CNTN4: variants seen among roughly 807,000 people sequenced by gnomAD.
CNTN4 encodes the protein contactin 4, also known as contactin-4.
Under a neutral mutation model 122.5 loss-of-function variants are expected in CNTN4, and 77 were observed. That is an observed-to-expected ratio of 0.63 (90% CI 0.52 to 0.76). CNTN4 has a LOEUF of 0.76. CNTN4 is among the 30% of genes least tolerant of loss of function. CNTN4 has a pLI of 0.00. For missense variants in CNTN4, 1,256 were observed against 1,259.1 expected, an observed-to-expected ratio of 1.00 and a Z score of 0.04; for synonymous variants, 512 against 447.0, an observed-to-expected ratio of 1.15 and a Z score of -1.83.
At chr3:2,378,160 C>T (rs1396492539) in intron 3 of CNTN4, among the ~76,000 whole-genome samples, 4 of 152,182 alleles carry the variant, frequency 2.6e-5, no homozygotes, top group Admixed American at 6.5e-5. Flanking sequence ...GCCCAACATA[C>T]ATTGGCTCAA....
intron 4 of CNTN4, among the ~76,000 whole-genome samples, chr3:2,596,549 C>T (rs931414969): frequency 1.4e-4 from 21 of 152,028 alleles, no homozygotes; most frequent in Admixed American, 4.6e-4. Flanking sequence ...CATATGCATA[C>T]ATATATAATA....
chr3:2,424,303 A>G (rs1351124743), intron 3 of CNTN4, among the ~76,000 whole-genome samples: 1 of 143,386 alleles, frequency 7.0e-6, no homozygotes, highest in African/African-American at 2.6e-5. Flanking sequence ...CCTATGAGTG[A>G]GAACATGTGA....
intron 4 of CNTN4, among the ~76,000 whole-genome samples, chr3:2,579,278 A>G (rs1271053114): frequency 6.6e-6 from 1 of 152,226 alleles, no homozygotes; most frequent in African/African-American, 2.4e-5. Flanking sequence ...AAACCAGACA[A>G]GTGAAAATCC....
chr3:2,666,694 T>A (rs2084185972), intron 4 of CNTN4, among the ~76,000 whole-genome samples: 1 of 151,762 alleles, frequency 6.6e-6, no homozygotes, highest in Non-Finnish European at 1.5e-5. Flanking sequence ...GCTGCACCCA[T>A]TAATTCCTCC....
intron 7 of CNTN4, among the ~76,000 whole-genome samples, chr3:2,844,278 A>G (rs949266883): frequency 2.6e-5 from 4 of 152,210 alleles, no homozygotes; most frequent in Admixed American, 2.0e-4. Flanking sequence ...TGTGTGACAT[A>G]ATACTCCTTT....
At chr3:2,800,308 T>C (rs1464230076) in intron 6 of CNTN4, among the ~76,000 whole-genome samples, 1 of 152,202 alleles carries the variant, frequency 6.6e-6, no homozygotes, top group East Asian at 1.9e-4. Context: ...TTATTTCTTC[T>C]TTCTTCTCTC....
At position 3,056,109 on chromosome 3, in the gene CNTN4, T is replaced by C. The variant is rs1020716480; in HGVS notation, c.2981-11T>C. 4.3e-6 allele frequency: 7 copies of C among 1,611,474 alleles called. No homozygotes were observed. The highest frequency in any genetic ancestry group is 5.9e-6 in the Non-Finnish European group (7 of 1,177,612). On this transcript the variant is annotated splice_polypyrimidine_tract_variant and intron_variant, in intron 24 of 24. Coordinates refer to ENST00000418658, the MANE Select transcript of CNTN4 (RefSeq NM_175607.3). ...GGGGCTGTTTTGAGTGAATTTGTTC[T>C]CTCTTTTCAGATGCCTACGCGAGAG...
rs554883451 is a variant in CNTN4 at position 2,821,995 on chromosome 3, A to C, written c.454+2414A>C. Among the ~76,000 whole-genome samples, 6 of 152,364 alleles carry C rather than the reference A, an allele frequency of 3.9e-5. No individual in the cohort carries two copies. The South Asian group carries it at 1.0e-3, about 26-fold the overall frequency. ...ACATTTCCAGCAGAAAATAACAATTAGTAAAGGTGCTAAAAGGCATGTACT... is the reference window on the plus strand; with the variant it reads ...ACATTTCCAGCAGAAAATAACAATTCGTAAAGGTGCTAAAAGGCATGTACT... On this transcript the variant is annotated intron_variant, in intron 7 of 24. Coordinates refer to ENST00000418658, the MANE Select transcript of CNTN4 (RefSeq NM_175607.3).
intron 4 of CNTN4, among the ~76,000 whole-genome samples, chr3:2,692,229 G>A (rs2085778696): frequency 6.6e-6 from 1 of 152,156 alleles, no homozygotes; most frequent in Non-Finnish European, 1.5e-5. Context: ...CAAATAGCAG[G>A]AGGAAAAGTT....
At chr3:2,409,405 G>A (rs903667829) in intron 3 of CNTN4, among the ~76,000 whole-genome samples, 4 of 151,796 alleles carry the variant, frequency 2.6e-5, no homozygotes, top group African/African-American at 9.7e-5. Flanking sequence ...CCGCCACCAC[G>A]GCTGGCTAGT....
intron 4 of CNTN4, 195 bp from the exon 5 acceptor site, chr3:2,736,020 A>C (rs761303699): frequency 1.4e-6 from 1 of 718,766 alleles, no homozygotes; most frequent in African/African-American, 1.7e-5. Context: ...GAGGGCTTAT[A>C]TTTTCACTTC....
chr3:3,007,293 A>G (rs746106865), intron 14 of CNTN4, among the ~76,000 whole-genome samples: 1 of 152,212 alleles, frequency 6.6e-6, no homozygotes, highest in Non-Finnish European at 1.5e-5. Context: ...TGGTGGTGTG[A>G]GCACTGGAGT....
chr3:2,703,679 A>T (rs114931060), intron 4 of CNTN4, among the ~76,000 whole-genome samples: 2,450 of 152,286 alleles, frequency 0.016, 79 homozygotes, highest in African/African-American at 0.054. Context: ...ATTAACTTAA[A>T]TAAACATTAA....
chr3:2,840,613 G>T lies in CNTN4; in HGVS notation c.454+21032G>T, dbSNP rs1421749953. On this transcript the variant is annotated intron_variant, in intron 7 of 24. Coordinates refer to ENST00000418658, the MANE Select transcript of CNTN4 (RefSeq NM_175607.3). ...ACTCGGGAGGCTGAGGCGGGAGAAT[G>T]GCGGGAACCCGGGAGGCGGAGCTTG... Among the ~76,000 whole-genome samples the T allele has an allele frequency of 4.3e-4, 52 of 121,878 alleles. No individual in the cohort carries two copies. In the South Asian group the frequency reaches 0.017, roughly 39 times the overall value. The allele number at this position is 121,878 out of a possible 152,430, so 80.0% of individuals were successfully genotyped here.
chr3:2,680,491 T>C (rs193132027), intron 4 of CNTN4, among the ~76,000 whole-genome samples: 1 of 152,326 alleles, frequency 6.6e-6, no homozygotes, highest in East Asian at 1.9e-4. Flanking sequence ...GTAGACACTT[T>C]TGGCAAAACA....
chr3:2,885,687 A>T (rs535040771), intron 9 of CNTN4, among the ~76,000 whole-genome samples: 1 of 152,328 alleles, frequency 6.6e-6, no homozygotes, highest in East Asian at 1.9e-4. Context: ...TAGAGGGAAC[A>T]CCAGAATTTT....
chr3:2,810,471 A>C (rs1227918778), intron 6 of CNTN4, among the ~76,000 whole-genome samples: 2 of 152,316 alleles, frequency 1.3e-5, no homozygotes, highest in South Asian at 2.1e-4. Flanking sequence ...GAAGAGAAAG[A>C]GGAGAATAAC....
intron 14 of CNTN4, among the ~76,000 whole-genome samples, chr3:3,014,438 G>T (rs986322950): frequency 1.3e-5 from 2 of 152,126 alleles, no homozygotes; most frequent in Non-Finnish European, 2.9e-5. Context: ...ATCTGCAAAT[G>T]ACTGTAATTA....
At chr3:2,734,647 G>GT (rs2088950760) in intron 4 of CNTN4, among the ~76,000 whole-genome samples, 4 of 100,868 alleles carry the variant, frequency 4.0e-5, no homozygotes, top group South Asian at 3.0e-4. Flanking sequence ...AGCATGAAGT[G>GT]CTTTTTTTTT....
Sources: gnomAD v4.1 joint callset for allele counts (sites outside exome capture counted in the v4.1 genomes callset) on GRCh38, gnomAD v4.1.1 for gene constraint, MANE v1.5 for transcripts, NCBI Gene and HGNC (gene_info 2026-07-23, HGNC 2026-07-21) for gene names.